The following KCNIP4 variants were observed in gnomAD, a reference collection of about 807,000 sequenced individuals.
KCNIP4 encodes Kv channel-interacting protein 4.
Under a neutral mutation model 34.0 loss-of-function variants are expected in KCNIP4, and 12 were observed. The observed-to-expected ratio is 0.35, with a 90% CI of 0.23 to 0.57. The LOEUF (loss-of-function observed/expected upper bound fraction) is 0.57, where lower values mean the gene tolerates loss of function less well. Ranked by LOEUF, KCNIP4 falls within the 20% of genes least tolerant of loss-of-function variation. The pLI is 0.83. For synonymous variants in KCNIP4, 124 were observed against 102.2 expected (o/e 1.21, Z -1.29); for missense variants, 238 against 311.7 (o/e 0.76, Z 1.78).
intron 1 of KCNIP4, among the ~76,000 whole-genome samples, chr4:21,814,527 CCAGCCATGTGAAACTGTA>C (rs1389026339): frequency 1.3e-5 from 2 of 152,096 alleles, no homozygotes; most frequent in African/African-American, 4.8e-5. Flanking sequence ...TGAGGCCTCC[CCAGCCATGTGAAACTGTA>C]AGTCAATTAA....
intron 1 of KCNIP4, among the ~76,000 whole-genome samples, chr4:21,492,770 A>T (rs1732518359): frequency 6.6e-6 from 1 of 152,184 alleles, no homozygotes; most frequent in African/African-American, 2.4e-5. Flanking sequence ...TTTAGGAAAG[A>T]GTCTCATTTT....
At chr4:21,085,658 C>T (rs555611846) in intron 1 of KCNIP4, among the ~76,000 whole-genome samples, 1 of 152,022 alleles carries the variant, frequency 6.6e-6, no homozygotes, top group East Asian at 1.9e-4. Flanking sequence ...AAAGGCAGAT[C>T]CTGAGACAAG....
chr4:21,113,452 GT>G (rs763234565), intron 1 of KCNIP4, among the ~76,000 whole-genome samples: 1,134 of 99,218 alleles, frequency 0.011, 53 homozygotes, highest in Middle Eastern at 0.047. Flanking sequence ...CTATCTATAA[GT>G]TTAAAAAAAA....
Position 20,851,758 on chromosome 4 carries a change from G to T in KCNIP4, c.164-1091C>A, listed in dbSNP as rs115252655. Among the ~76,000 whole-genome samples the T allele has an allele frequency of 7.6e-3, 1,155 of 152,262 alleles. 4 individuals carry two copies. Among genetic ancestry groups the T allele is most frequent in the Non-Finnish European group, 0.014 (923 of 68,012 alleles). The stretch of plus-strand genomic sequence containing the variant: ...TCACAAATAGTCCAACCTGGAATTT[G>T]TTTCTATATAACAACCACTAGTTAT... On this transcript the variant is annotated intron_variant, in intron 2 of 8. Coordinates refer to ENST00000382152, the MANE Select transcript of KCNIP4 (RefSeq NM_025221.6).
chr4:21,292,942 AATGAATGAATGG>A (rs2109213779), intron 1 of KCNIP4, among the ~76,000 whole-genome samples: 1 of 152,288 alleles, frequency 6.6e-6, no homozygotes, highest in Non-Finnish European at 1.5e-5. Flanking sequence ...AAATTCAATG[AATGAATGAATGG>A]ATGAATGAAT....
chr4:21,708,776 C>A (rs1713486958), intron 1 of KCNIP4, among the ~76,000 whole-genome samples: 1 of 152,172 alleles, frequency 6.6e-6, no homozygotes, highest in Non-Finnish European at 1.5e-5. Context: ...CAGAAGTCAT[C>A]AACCGCAAGC....
chr4:21,683,330 C>T (rs1750537100), intron 1 of KCNIP4, among the ~76,000 whole-genome samples: 1 of 151,160 alleles, frequency 6.6e-6, no homozygotes, highest in South Asian at 2.1e-4. Context: ...CTTGCCTTTA[C>T]TAACAAAAAT....
At chr4:21,274,673 T>G (rs1453955827) in intron 1 of KCNIP4, among the ~76,000 whole-genome samples, 2 of 152,148 alleles carry the variant, frequency 1.3e-5, no homozygotes, top group Non-Finnish European at 2.9e-5. Flanking sequence ...GGTAAATACA[T>G]CTATTCTCTT....
intron 2 of KCNIP4, among the ~76,000 whole-genome samples, chr4:20,854,748 G>T (rs1419170027): frequency 1.3e-5 from 2 of 152,266 alleles, no homozygotes; most frequent in East Asian, 3.9e-4. Flanking sequence ...GCTGACAAGG[G>T]TAAAGTAACC....
intron 1 of KCNIP4, among the ~76,000 whole-genome samples, chr4:20,906,974 T>G (rs1727834509): frequency 6.6e-6 from 1 of 152,224 alleles, no homozygotes; most frequent in African/African-American, 2.4e-5. Flanking sequence ...GAGAACACAT[T>G]GTTCTGATGT....
chr4:21,235,464 C>T (rs571024557), intron 1 of KCNIP4, among the ~76,000 whole-genome samples: 80 of 152,274 alleles, frequency 5.3e-4, no homozygotes, highest in African/African-American at 1.9e-3. Context: ...ATCTACTAGG[C>T]TTTCTTGTGT....
chr4:21,084,027 G>A (rs536767928), intron 1 of KCNIP4, among the ~76,000 whole-genome samples: 1 of 151,944 alleles, frequency 6.6e-6, no homozygotes, highest in South Asian at 2.1e-4. Flanking sequence ...TGATTGCTGA[G>A]ATATAGCCTA....
Position 21,030,476 on chromosome 4 carries a change from C to A in KCNIP4, c.62-147767G>T, listed in dbSNP as rs143768988. On this transcript the variant is annotated intron_variant, in intron 1 of 8. Transcript: ENST00000382152. ...AATAAATGTAATGTGCTTGAATCATCCCAAAACCATCCGCTGCTCCCCACG... is the reference window on the plus strand; with the variant it reads ...AATAAATGTAATGTGCTTGAATCATACCAAAACCATCCGCTGCTCCCCACG... 1.2e-4 allele frequency among the ~76,000 whole-genome samples: 18 copies of A among 152,182 alleles called. No individual in the cohort carries two copies. The East Asian group carries it at 3.3e-3, about 28-fold the overall frequency.
chr4:20,758,921 C>A, intron 3 of KCNIP4, 31 bp from the exon 4 acceptor site: 2 of 1,583,170 alleles, frequency 1.3e-6, no homozygotes, highest in Admixed American at 3.4e-5. Flanking sequence ...GCAATATGAG[C>A]AAAGTGTTCA....
At chr4:21,605,131 T>C (rs747033656) in intron 1 of KCNIP4, among the ~76,000 whole-genome samples, 8 of 152,160 alleles carry the variant, frequency 5.3e-5, no homozygotes. Flanking sequence ...GACCTATGGC[T>C]CAGAAGCTAA....
intron 1 of KCNIP4, among the ~76,000 whole-genome samples, chr4:21,687,831 T>A (rs1328661764): frequency 6.6e-6 from 1 of 152,176 alleles, no homozygotes; most frequent in East Asian, 1.9e-4. Context: ...CACTAGGTGA[T>A]ATCTGAGCTG....
intron 1 of KCNIP4, among the ~76,000 whole-genome samples, chr4:21,617,966 A>G (rs542606852): frequency 6.6e-6 from 1 of 152,340 alleles, no homozygotes; most frequent in East Asian, 1.9e-4. Flanking sequence ...TAAAACAAAA[A>G]CTTTTACAGA....
intron 1 of KCNIP4, among the ~76,000 whole-genome samples, chr4:21,262,636 A>G (rs1216050015): frequency 6.6e-6 from 1 of 151,968 alleles, no homozygotes; most frequent in Admixed American, 6.6e-5. Flanking sequence ...CCCTTTCTGG[A>G]CCTATTTTTT....
intron 1 of KCNIP4, among the ~76,000 whole-genome samples, chr4:20,902,442 A>T (rs1338811030): frequency 6.6e-6 from 1 of 152,194 alleles, no homozygotes; most frequent in Non-Finnish European, 1.5e-5. Context: ...CCATCCTGGC[A>T]GCACCATACC....
Sources: gnomAD v4.1 joint callset for allele counts (sites outside exome capture counted in the v4.1 genomes callset) on GRCh38, gnomAD v4.1.1 for gene constraint, MANE v1.5 for transcripts, NCBI Gene and HGNC (gene_info 2026-07-23, HGNC 2026-07-21) for gene names.